The following RGL1 variants were observed in gnomAD, a reference collection of about 807,000 sequenced individuals.
RGL1 encodes ral guanine nucleotide dissociation stimulator like 1, also known as ral guanine nucleotide dissociation stimulator-like 1.
RGL1 carries 24 observed loss-of-function variants against 95.2 expected under a neutral mutation model. The observed-to-expected ratio is 0.25, with a 90% CI of 0.18 to 0.35. The LOEUF (loss-of-function observed/expected upper bound fraction) is 0.35, where lower values mean the gene tolerates loss of function less well. Among genes scored for constraint, RGL1 ranks in the 10% least tolerant of loss-of-function variants. RGL1 has a pLI of 1.00. For synonymous variants in RGL1, 329 were observed against 344.9 expected (o/e 0.95, Z 0.51); for missense variants, 715 against 936.3 (o/e 0.76, Z 3.08).
At chr1:183,856,338 T>C (rs1473371839) in intron 3 of RGL1, among the ~76,000 whole-genome samples, 2 of 151,852 alleles carry the variant, frequency 1.3e-5, no homozygotes, top group East Asian at 3.9e-4. Flanking sequence ...TGTTCTGTTA[T>C]GTATATGACC....
intron 2 of RGL1, among the ~76,000 whole-genome samples, chr1:183,753,883 G>A (rs1009412953): frequency 2.2e-4 from 34 of 151,634 alleles, no homozygotes; most frequent in Non-Finnish European, 3.5e-4. Flanking sequence ...TGTACTATCT[G>A]TTGTTTCTTT....
At chr1:183,760,374 A>T (rs1658590909) in intron 2 of RGL1, among the ~76,000 whole-genome samples, 1 of 152,096 alleles carries the variant, frequency 6.6e-6, no homozygotes, top group Non-Finnish European at 1.5e-5. Context: ...TCTTTTCTTG[A>T]AAGATTTCTC....
intron 2 of RGL1, among the ~76,000 whole-genome samples, chr1:183,767,978 C>T (rs1659070751): frequency 3.3e-5 from 5 of 152,018 alleles, no homozygotes; most frequent in African/African-American, 4.8e-5. Context: ...TGCCCAACTG[C>T]CATGTATTTC....
intron 1 of RGL1, among the ~76,000 whole-genome samples, chr1:183,679,523 G>GATGGTTTCCAGCTTCATCC (rs749468408): frequency 7.1e-6 from 1 of 141,352 alleles, no homozygotes; most frequent in South Asian, 2.2e-4. Flanking sequence ...TGCTGAGAAT[G>GATGGTTTCCAGCTTCATCC]AGAATGAGAA....
intron 1 of RGL1, among the ~76,000 whole-genome samples, chr1:183,697,814 T>C (rs2102131969): frequency 6.6e-6 from 1 of 152,352 alleles, no homozygotes; most frequent in South Asian, 2.1e-4. Context: ...ATTGAAAATA[T>C]CAGTAGGATT....
intron 1 of RGL1, among the ~76,000 whole-genome samples, chr1:183,679,372 T>C (rs138172065): frequency 0.075 from 11,273 of 150,348 alleles, 809 homozygotes; most frequent in African/African-American, 0.18. Context: ...TTTCTCCTAA[T>C]GCTATCCCTC....
At chr1:183,839,336 T>C (rs1172962763) in intron 2 of RGL1, among the ~76,000 whole-genome samples, 1 of 152,224 alleles carries the variant, frequency 6.6e-6, no homozygotes, top group African/African-American at 2.4e-5. Flanking sequence ...CTCAATTTTC[T>C]TTCTTATAGG....
chr1:183,908,381 G>A (rs1263588320), intron 14 of RGL1, among the ~76,000 whole-genome samples: 1 of 152,172 alleles, frequency 6.6e-6, no homozygotes. Flanking sequence ...GCCATCAGGT[G>A]ATATGGGTGG....
chr1:183,772,073 C>T (rs1230240991), intron 2 of RGL1, among the ~76,000 whole-genome samples: 3 of 152,218 alleles, frequency 2.0e-5, no homozygotes, highest in Non-Finnish European at 4.4e-5. Flanking sequence ...AGGGATAAAC[C>T]ATCTCCCTTC....
intron 2 of RGL1, among the ~76,000 whole-genome samples, chr1:183,776,584 G>A (rs1392012195): frequency 6.6e-6 from 1 of 152,242 alleles, no homozygotes; most frequent in Non-Finnish European, 1.5e-5. Context: ...GTAGGAGTAA[G>A]TGATGTATAA....
At position 183,882,151 on chromosome 1, in the gene RGL1, G is replaced by A. The variant is rs983448523; in HGVS notation, c.610+1351G>A. ...CTATATGTTTTTAAAAAGTAAAATCGTGCTTCATGTTGTTACTTATCTCTG... is the reference window on the plus strand; with the variant it reads ...CTATATGTTTTTAAAAAGTAAAATCATGCTTCATGTTGTTACTTATCTCTG... On this transcript the variant is annotated intron_variant, in intron 5 of 17. Coordinates refer to ENST00000360851, the MANE Select transcript of RGL1 (RefSeq NM_001297671.3). Among the ~76,000 whole-genome samples, 4 of 152,226 alleles carry A rather than the reference G, an allele frequency of 2.6e-5. 1 individual carries two copies. Among genetic ancestry groups the A allele is most frequent in the Non-Finnish European group, 5.9e-5 (4 of 68,044 alleles).
intron 1 of RGL1, among the ~76,000 whole-genome samples, chr1:183,655,393 A>G (rs994778121): frequency 1.3e-5 from 2 of 152,236 alleles, no homozygotes; most frequent in African/African-American, 4.8e-5. Flanking sequence ...GTACCCAAGT[A>G]ATTATATAAT....
chr1:183,708,509 A>G (rs1445640788), intron 1 of RGL1, among the ~76,000 whole-genome samples: 2 of 152,182 alleles, frequency 1.3e-5, no homozygotes, highest in Non-Finnish European at 2.9e-5. Flanking sequence ...TCACCCCAGA[A>G]GACTGGGACC....
In RGL1 at chr1:183,926,221, A is replaced by C; in HGVS notation, c.2236A>C (p.Thr746Pro). The C allele has an allele frequency of 6.2e-7, 1 of 1,614,014 alleles. No individual in the cohort carries two copies. The change falls in exon 18 of 18, where the codon ACC (threonine) becomes CCC (proline). Residue 746 changes from threonine to proline, a missense_variant. Around this residue, in one of 3 missense-constraint regions of RGL1, gnomAD observed 330 missense variants for 429.6 expected, o/e 0.77. Coordinates refer to ENST00000360851, the MANE Select transcript of RGL1 (RefSeq NM_001297671.3). The stretch of plus-strand genomic sequence containing the variant: ...AGAACAAGTGAAACTGCGTAGCCGG[A>C]CCAGCTTGACGTTGCCCAGGACAGC... ...MEEQVKLRSR[T>P]SLTLPRTAKR...
chr1:183,688,661 T>A (rs1481255686), intron 1 of RGL1, among the ~76,000 whole-genome samples: 1 of 152,212 alleles, frequency 6.6e-6, no homozygotes, highest in African/African-American at 2.4e-5. Flanking sequence ...GCAGTATTAT[T>A]AATTTGTCTT....
At chr1:183,836,332 C>T (rs750704233) in intron 2 of RGL1, among the ~76,000 whole-genome samples, 1 of 152,020 alleles carries the variant, frequency 6.6e-6, no homozygotes, top group African/African-American at 2.4e-5. Context: ...GTCACTGCTA[C>T]CTCCGCCTCT....
chr1:183,826,746 T>C (rs1403476999), intron 2 of RGL1, among the ~76,000 whole-genome samples: 1 of 152,230 alleles, frequency 6.6e-6, no homozygotes, highest in African/African-American at 2.4e-5. Flanking sequence ...CCGGATGTTC[T>C]GCTTTTGAAG....
At chr1:183,641,859 T>C (rs1227123377) in intron 1 of RGL1, among the ~76,000 whole-genome samples, 1 of 152,250 alleles carries the variant, frequency 6.6e-6, no homozygotes, top group African/African-American at 2.4e-5. Flanking sequence ...GTCTTTCTCT[T>C]CTTGAATCAA....
intron 2 of RGL1, among the ~76,000 whole-genome samples, chr1:183,846,541 T>A (rs4279820): frequency 0.64 from 96,448 of 149,756 alleles, 31,071 homozygotes; most frequent in African/African-American, 0.7. Flanking sequence ...GTATAATTTT[T>A]AAAAAAAAAA....
Sources: gnomAD v4.1 joint callset for allele counts (sites outside exome capture counted in the v4.1 genomes callset) on GRCh38, gnomAD v4.1.1 for gene constraint, gnomAD v4.1.1 regional missense constraint, MANE v1.5 for transcripts, NCBI Gene and HGNC (gene_info 2026-07-23, HGNC 2026-07-21) for gene names.